The following PCDH15 variants were observed in gnomAD, a reference collection of about 807,000 sequenced individuals.
PCDH15 encodes the protein protocadherin related 15.
Under a neutral mutation model 178.5 loss-of-function variants are expected in PCDH15, and 129 were observed. That is an observed-to-expected ratio of 0.72 (90% CI 0.63 to 0.84). The LOEUF is 0.84. PCDH15 is among the 40% of genes least tolerant of loss of function. The pLI is 0.00. For synonymous variants in PCDH15, 800 were observed against 732.0 expected, an observed-to-expected ratio of 1.09 and a Z score of -1.50; for missense variants, 2,230 against 2,099.9, an observed-to-expected ratio of 1.06 and a Z score of -1.21.
At chr10:55,141,455 G>T (rs1838351574) in intron 2 of PCDH15, among the ~76,000 whole-genome samples, 1 of 152,016 alleles carries the variant, frequency 6.6e-6, no homozygotes, top group African/African-American at 2.4e-5. Flanking sequence ...TTTCTGAGAA[G>T]TAACTTAGAA....
At chr10:54,363,940 C>T (rs1946430028) in intron 5 of PCDH15, among the ~76,000 whole-genome samples, 1 of 152,048 alleles carries the variant, frequency 6.6e-6, no homozygotes, top group South Asian at 2.1e-4. Flanking sequence ...TGGACGGTCA[C>T]AGTGGCTCAT....
At chr10:53,898,179 G>T (rs1009254388) in intron 26 of PCDH15, among the ~76,000 whole-genome samples, 1 of 151,786 alleles carries the variant, frequency 6.6e-6, no homozygotes, top group African/African-American at 2.4e-5. Context: ...GTGTTAGCCA[G>T]GATGGTCTGG....
chr10:53,957,184 CAAAGAT>C (rs1021488484), intron 23 of PCDH15, among the ~76,000 whole-genome samples: 3 of 152,018 alleles, frequency 2.0e-5, no homozygotes, highest in African/African-American at 7.2e-5. Flanking sequence ...TTGGAGTTTC[CAAAGAT>C]AATTAGACTT....
At chr10:55,478,789 G>A (rs1470749034) in intron 2 of PCDH15, among the ~76,000 whole-genome samples, 6 of 150,324 alleles carry the variant, frequency 4.0e-5, no homozygotes, top group Admixed American at 6.7e-5. Context: ...ATTCAGGCGC[G>A]AAAAAGGAGA....
At chr10:55,066,888 T>C (rs1841580414) in intron 2 of PCDH15, among the ~76,000 whole-genome samples, 1 of 151,808 alleles carries the variant, frequency 6.6e-6, no homozygotes, top group Non-Finnish European at 1.5e-5. Flanking sequence ...TTTTTTATAC[T>C]ACAAAATAAC....
chr10:54,629,811 G>T (rs920916267), intron 2 of PCDH15, among the ~76,000 whole-genome samples: 6 of 152,030 alleles, frequency 3.9e-5, no homozygotes, highest in African/African-American at 1.2e-4. Flanking sequence ...AACTCTCTTT[G>T]GTGCTGATAT....
At chr10:54,848,339 G>A (rs183673284) in intron 3 of PCDH15, among the ~76,000 whole-genome samples, 83 of 140,308 alleles carry the variant, frequency 5.9e-4, no homozygotes, top group African/African-American at 2.1e-3. Flanking sequence ...CCGAGATTGC[G>A]CCTCTGCACT....
At chr10:54,719,733 T>C (rs1177647551) in intron 1 of PCDH15, among the ~76,000 whole-genome samples, 2 of 152,032 alleles carry the variant, frequency 1.3e-5, no homozygotes, top group African/African-American at 4.8e-5. Flanking sequence ...TGTGTCCATG[T>C]GTTCTCATTG....
chr10:54,618,797 T>C (rs149614659), intron 2 of PCDH15, among the ~76,000 whole-genome samples: 2,185 of 152,092 alleles, frequency 0.014, 28 homozygotes, highest in Non-Finnish European at 0.021. Flanking sequence ...AACTAATAAA[T>C]ACTTTGGTGT....
chr10:54,596,580 A>T (rs2092252242), intron 2 of PCDH15, among the ~76,000 whole-genome samples: 1 of 152,156 alleles, frequency 6.6e-6, no homozygotes. Flanking sequence ...CAACAGGATA[A>T]CAAGATCAAA....
At chr10:55,341,567 T>A (rs1844556297) in intron 2 of PCDH15, among the ~76,000 whole-genome samples, 1 of 144,748 alleles carries the variant, frequency 6.9e-6, no homozygotes, top group East Asian at 2.0e-4. Context: ...TATTCTAGAT[T>A]AGCATCCTTT....
chr10:54,861,376 A>G (rs958914277), intron 3 of PCDH15, among the ~76,000 whole-genome samples: 1 of 152,166 alleles, frequency 6.6e-6, no homozygotes, highest in Non-Finnish European at 1.5e-5. Context: ...AGAGGAAATA[A>G]ATAAATTCCT....
intron 2 of PCDH15, among the ~76,000 whole-genome samples, chr10:54,554,766 A>C (rs967797240): frequency 6.6e-6 from 1 of 152,194 alleles, no homozygotes; most frequent in Admixed American, 6.5e-5. Context: ...TAGGGAATGT[A>C]AAATGGAAAA....
intron 28 of PCDH15, among the ~76,000 whole-genome samples, chr10:53,850,054 G>C (rs1259698838): frequency 6.6e-6 from 1 of 151,832 alleles, no homozygotes; most frequent in Admixed American, 6.6e-5. Context: ...CTCATATTGG[G>C]CTAAGATAAC....
intron 3 of PCDH15, among the ~76,000 whole-genome samples, chr10:54,477,586 A>C: frequency 6.6e-6 from 1 of 152,124 alleles, no homozygotes; most frequent in East Asian, 1.9e-4. Context: ...ATGAACGAAT[A>C]TATTTTTTAA....
intron 2 of PCDH15, among the ~76,000 whole-genome samples, chr10:54,963,322 T>C (rs573061286): frequency 4.4e-4 from 58 of 131,982 alleles, no homozygotes; most frequent in African/African-American, 1.5e-3. Flanking sequence ...TCTGCTTAAC[T>C]GACATAAAAT....
intron 2 of PCDH15, among the ~76,000 whole-genome samples, chr10:55,042,202 A>AG (rs1267661684): frequency 6.6e-6 from 1 of 152,170 alleles, no homozygotes; most frequent in Non-Finnish European, 1.5e-5. Flanking sequence ...AACCCTCTGA[A>AG]GGAAGAATAG....
At chr10:54,801,906 A>G (rs948331692), upstream of PCDH15, among the ~76,000 whole-genome samples, 2 of 152,222 alleles carry the variant, frequency 1.3e-5, no homozygotes, top group African/African-American at 4.8e-5. Context: ...GGACAGGTAA[A>G]CTAGTAAAAT....
At chr10:54,956,969 C>T (rs1838506918) in intron 2 of PCDH15, among the ~76,000 whole-genome samples, 1 of 151,594 alleles carries the variant, frequency 6.6e-6, no homozygotes, top group South Asian at 2.1e-4. Flanking sequence ...AGCTGAACCA[C>T]TGTGTTATAC....
Sources: gnomAD v4.1 joint callset for allele counts (sites outside exome capture counted in the v4.1 genomes callset) on GRCh38, gnomAD v4.1.1 for gene constraint, MANE v1.5 for transcripts, NCBI Gene and HGNC (gene_info 2026-07-23, HGNC 2026-07-21) for gene names.